Variants in AGBL4 observed in about 807,000 individuals in gnomAD.
AGBL4 encodes AGBL carboxypeptidase 4.
AGBL4 carries 58 observed loss-of-function variants against 66.4 expected under a neutral mutation model. The observed-to-expected ratio is 0.87, with a 90% CI of 0.71 to 1.09. The LOEUF is 1.09. Ranked by LOEUF, AGBL4 falls within the 50% of genes least tolerant of loss-of-function variation. AGBL4 has a pLI of 0.00. For synonymous variants in AGBL4, 234 were observed against 222.9 expected (o/e 1.05, Z -0.44); for missense variants, 579 against 631.0 (o/e 0.92, Z 0.88).
intron 4 of AGBL4, among the ~76,000 whole-genome samples, chr1:49,080,788 C>A (rs1644796460): frequency 6.6e-6 from 1 of 152,114 alleles, no homozygotes; most frequent in African/African-American, 2.4e-5. Context: ...ATACTTGAAA[C>A]AAAAGATTCT....
At chr1:49,597,854 G>C (rs1024345349) in intron 3 of AGBL4, among the ~76,000 whole-genome samples, 1 of 152,116 alleles carries the variant, frequency 6.6e-6, no homozygotes, top group African/African-American at 2.4e-5. Context: ...TGTGATTTTT[G>C]CACATTGATT....
At chr1:50,005,974 A>C (rs1264203725) in intron 1 of AGBL4, among the ~76,000 whole-genome samples, 2 of 152,184 alleles carry the variant, frequency 1.3e-5, no homozygotes, top group Non-Finnish European at 2.9e-5. Flanking sequence ...GACAAAATAA[A>C]AAAGAATTAA....
chr1:49,294,442 A>T (rs1433157267), intron 3 of AGBL4, among the ~76,000 whole-genome samples: 3 of 152,146 alleles, frequency 2.0e-5, no homozygotes, highest in African/African-American at 7.2e-5. Flanking sequence ...CTTTCCTCTA[A>T]GTTTTTGTTT....
At chr1:49,422,434 G>A (rs376706080) in intron 3 of AGBL4, among the ~76,000 whole-genome samples, 1 of 151,998 alleles carries the variant, frequency 6.6e-6, no homozygotes, top group African/African-American at 2.4e-5. Context: ...TCTCAACTAG[G>A]TCATGCTGGC....
At chr1:48,859,944 TA>T (rs1647335849) in intron 6 of AGBL4, among the ~76,000 whole-genome samples, 1 of 152,234 alleles carries the variant, frequency 6.6e-6, no homozygotes, top group African/African-American at 2.4e-5. Context: ...GAATGCTTTT[TA>T]GCCATATAAG....
chr1:49,807,955 T>C (rs1645012259), intron 2 of AGBL4, among the ~76,000 whole-genome samples: 1 of 152,224 alleles, frequency 6.6e-6, no homozygotes, highest in Non-Finnish European at 1.5e-5. Context: ...CTTCACCAGA[T>C]GTCAAATCTG....
At position 49,479,219 on chromosome 1, in the gene AGBL4, C is replaced by G. The variant is rs553623311; in HGVS notation, c.282+218094G>C. ...AAAAATCAGTTGCATTTCTGTATGC[C>G]AACAGTGAACAAATCAAATCAGGAA... On this transcript the variant is annotated intron_variant, in intron 3 of 13. Coordinates refer to ENST00000371839, the MANE Select transcript of AGBL4 (RefSeq NM_032785.4). Among the ~76,000 whole-genome samples, 78 of 151,782 alleles carry G rather than the reference C, an allele frequency of 5.1e-4. 2 individuals carry two copies. The highest frequency in any genetic ancestry group is 9.3e-4 in the Non-Finnish European group (63 of 67,928).
At chr1:48,943,515 A>G (rs1245859521) in intron 5 of AGBL4, among the ~76,000 whole-genome samples, 1 of 152,060 alleles carries the variant, frequency 6.6e-6, no homozygotes, top group Non-Finnish European at 1.5e-5. Flanking sequence ...CCCCACATAC[A>G]CTCCCACTGA....
chr1:49,286,549 G>C (rs2148416647), intron 3 of AGBL4, among the ~76,000 whole-genome samples: 1 of 152,112 alleles, frequency 6.6e-6, no homozygotes, highest in Non-Finnish European at 1.5e-5. Context: ...AAAATCACAA[G>C]CATTCTTATA....
chr1:48,643,183 ACTT>A (rs1645784604), intron 8 of AGBL4, among the ~76,000 whole-genome samples: 2 of 152,162 alleles, frequency 1.3e-5, no homozygotes, highest in African/African-American at 4.8e-5. Flanking sequence ...TTATTCCTAC[ACTT>A]CTTACACTAT....
chr1:48,697,106 C>A (rs1646724138), intron 6 of AGBL4, among the ~76,000 whole-genome samples: 1 of 152,154 alleles, frequency 6.6e-6, no homozygotes, highest in Admixed American at 6.5e-5. Flanking sequence ...TAGCTGTCAC[C>A]AACTCAGCCC....
Position 48,682,415 on chromosome 1 carries a change from T to G in AGBL4, c.635-19174A>C, listed in dbSNP as rs537398994. On this transcript the variant is annotated intron_variant, in intron 6 of 13. Coordinates refer to ENST00000371839, the MANE Select transcript of AGBL4 (RefSeq NM_032785.4). ...TACAGGTTAACAGCACATCTCTTTT[T>G]TTTTTTTTTTTGAGACAGGGTCTCA... Among the ~76,000 whole-genome samples the G allele has an allele frequency of 2.8e-4, 42 of 152,030 alleles. No homozygotes were observed. In the South Asian group the frequency reaches 8.7e-3, roughly 32 times the overall value.
intron 4 of AGBL4, among the ~76,000 whole-genome samples, chr1:49,194,357 T>C (rs1366205297): frequency 6.6e-6 from 1 of 152,162 alleles, no homozygotes; most frequent in East Asian, 1.9e-4. Context: ...TTGGTTTCCA[T>C]TTACATAGAA....
intron 1 of AGBL4, among the ~76,000 whole-genome samples, chr1:50,018,501 T>C (rs947153690): frequency 6.6e-5 from 10 of 152,124 alleles, no homozygotes; most frequent in Non-Finnish European, 1.5e-5. Flanking sequence ...AATACTCCAT[T>C]GCTGAAATTT....
chr1:49,541,516 G>C (rs2148824692), intron 3 of AGBL4, among the ~76,000 whole-genome samples: 1 of 152,346 alleles, frequency 6.6e-6, no homozygotes, highest in South Asian at 2.1e-4. Flanking sequence ...CCCCAGCAGT[G>C]CCGGCCTGCC....
chr1:48,801,207 A>T (rs1645798509), intron 6 of AGBL4, among the ~76,000 whole-genome samples: 3 of 152,244 alleles, frequency 2.0e-5, no homozygotes, highest in Admixed American at 2.0e-4. Context: ...CAGGCAGCCC[A>T]CGTGCAGGGC....
chr1:48,778,879 T>G (rs1386467536), intron 6 of AGBL4, among the ~76,000 whole-genome samples: 1 of 152,114 alleles, frequency 6.6e-6, no homozygotes, highest in African/African-American at 2.4e-5. Context: ...AGTACAAATT[T>G]TTTTAAACCA....
intron 1 of AGBL4, among the ~76,000 whole-genome samples, chr1:49,919,424 A>G (rs1169341268): frequency 1.3e-5 from 2 of 152,222 alleles, no homozygotes; most frequent in African/African-American, 2.4e-5. Flanking sequence ...AAAAATCACA[A>G]GCATTCTTAT....
At chr1:49,061,913 C>A (rs1644409092) in intron 4 of AGBL4, among the ~76,000 whole-genome samples, 2 of 152,120 alleles carry the variant, frequency 1.3e-5, no homozygotes, top group South Asian at 4.1e-4. Flanking sequence ...CTCTCTAGAG[C>A]AGGGGTCCCC....
Sources: allele counts gnomAD v4.1 joint callset (sites outside exome capture counted in the v4.1 genomes callset), GRCh38; gene constraint gnomAD v4.1.1; transcripts MANE v1.5; gene names NCBI Gene and HGNC (gene_info 2026-07-23, HGNC 2026-07-21).